RASAL2: variants seen among roughly 807,000 people sequenced by gnomAD.
The protein encoded by RASAL2 is RAS protein activator like 2.
Under a neutral mutation model 128.9 loss-of-function variants are expected in RASAL2, and 58 were observed. That is an observed-to-expected ratio of 0.45 (90% CI 0.36 to 0.56). The LOEUF (loss-of-function observed/expected upper bound fraction) is 0.56. RASAL2 is among the 20% of genes least tolerant of loss of function. RASAL2 has a pLI of 0.00. For synonymous variants in RASAL2, 561 were observed against 580.8 expected (o/e 0.97, Z 0.49); for missense variants, 1,360 against 1,601.6 (o/e 0.85, Z 2.57).
chr1:178,274,051 A>G (rs545723124), intron 1 of RASAL2, among the ~76,000 whole-genome samples: 6 of 152,358 alleles, frequency 3.9e-5, no homozygotes, highest in East Asian at 3.9e-4. Context: ...GAAAAGATGC[A>G]TATGTAGCTC....
chr1:178,195,138 C>A (rs1271211386), intron 1 of RASAL2, among the ~76,000 whole-genome samples: 2 of 152,080 alleles, frequency 1.3e-5, no homozygotes, highest in East Asian at 1.9e-4. Context: ...TAAAGTGGGG[C>A]TAAGAGGTAT....
rs751987619 is a variant in RASAL2, at chr1:178,457,745, CATT to C, written c.2457_2459del (p.Leu821del). ...ACAGACAGCTACTTCAGAGGGAAAA[CATT>C]ATTGCTGGTTCAGCAAGCCTCCTCT... On this transcript the variant is annotated inframe_deletion, in exon 14 of 18. Transcript: ENST00000367649. 14 of 1,614,040 alleles carry C rather than the reference CATT, an allele frequency of 8.7e-6. No homozygotes were observed. The South Asian group carries it at 1.3e-4, about 15-fold the overall frequency.
chr1:178,257,906 G>A (rs1214313564), intron 1 of RASAL2, among the ~76,000 whole-genome samples: 2 of 148,618 alleles, frequency 1.3e-5, no homozygotes, highest in South Asian at 2.1e-4. Flanking sequence ...GATTGGCAAA[G>A]TATTTCTAGA....
rs11800707 is a variant in RASAL2, at chr1:178,171,763, T to G, written c.202+77069T>G. Among the ~76,000 whole-genome samples, 846 of 151,982 alleles carry G rather than the reference T, an allele frequency of 5.6e-3. 10 individuals are homozygous for G. The highest frequency in any genetic ancestry group is 0.019 in the African/African-American group (792 of 41,506). ...GTTAGGAGTAGTAACCTTCCCAAAT[T>G]TTCATTGCTTTCTGTTTGGCAGTCT... On this transcript the variant is annotated intron_variant, in intron 1 of 17. Coordinates refer to ENST00000367649, the MANE Select transcript of RASAL2 (RefSeq NM_170692.4).
intron 3 of RASAL2, among the ~76,000 whole-genome samples, chr1:178,379,551 C>A (rs747779302): frequency 6.6e-6 from 1 of 152,110 alleles, no homozygotes; most frequent in African/African-American, 2.4e-5. Flanking sequence ...AGCACACTTG[C>A]GTTAATATTT....
intron 1 of RASAL2, among the ~76,000 whole-genome samples, chr1:178,162,317 ATATAT>A (rs1278157575): frequency 8.0e-6 from 1 of 125,668 alleles, no homozygotes; most frequent in African/African-American, 3.1e-5. Flanking sequence ...ATAATGTATT[ATATAT>A]TATATTTATA....
At chr1:178,218,487 G>C (rs192089427) in intron 1 of RASAL2, among the ~76,000 whole-genome samples, 1 of 152,282 alleles carries the variant, frequency 6.6e-6, no homozygotes, top group East Asian at 1.9e-4. Flanking sequence ...AGGAGTTCAA[G>C]ACCAGCCTGG....
At chr1:178,276,740 A>G (rs73035215) in intron 1 of RASAL2, among the ~76,000 whole-genome samples, 4,268 of 152,172 alleles carry the variant, frequency 0.028, 78 homozygotes, top group East Asian at 0.085. Context: ...TATTTCTTCT[A>G]TTATATCAGA....
At chr1:178,190,473 G>T (rs374722902) in intron 1 of RASAL2, among the ~76,000 whole-genome samples, 1 of 152,054 alleles carries the variant, frequency 6.6e-6, no homozygotes, top group Non-Finnish European at 1.5e-5. Flanking sequence ...TTTTTGTTTT[G>T]TAATTCCTAT....
chr1:178,329,480 G>C (rs145706060), intron 3 of RASAL2, among the ~76,000 whole-genome samples: 1 of 152,202 alleles, frequency 6.6e-6, no homozygotes, highest in African/African-American at 2.4e-5. Context: ...CATCCACAAT[G>C]GGAGAGACCC....
intron 2 of RASAL2, among the ~76,000 whole-genome samples, chr1:178,293,171 T>C (rs1365137199): frequency 6.6e-6 from 1 of 152,174 alleles, no homozygotes; most frequent in Non-Finnish European, 1.5e-5. Context: ...TTCTTTCCTC[T>C]TTCTCCCCCG....
intron 1 of RASAL2, among the ~76,000 whole-genome samples, chr1:178,161,428 C>G (rs1015352879): frequency 2.0e-5 from 3 of 152,266 alleles, no homozygotes; most frequent in African/African-American, 7.2e-5. Flanking sequence ...CAAGATTCAT[C>G]CATATTATAG....
At chr1:178,457,309 G>A (rs1677843044) in intron 13 of RASAL2, among the ~76,000 whole-genome samples, 1 of 152,214 alleles carries the variant, frequency 6.6e-6, no homozygotes, top group Non-Finnish European at 1.5e-5. Context: ...GGCAAGACTT[G>A]TGCCTTTTGC....
At chr1:178,234,539 A>T (rs570641596) in intron 1 of RASAL2, among the ~76,000 whole-genome samples, 4 of 152,194 alleles carry the variant, frequency 2.6e-5, no homozygotes, top group Admixed American at 1.3e-4. Flanking sequence ...AAATTATTTC[A>T]TATTGATTAT....
intron 1 of RASAL2, among the ~76,000 whole-genome samples, chr1:178,135,904 G>C (rs1660307526): frequency 6.6e-6 from 1 of 152,078 alleles, no homozygotes; most frequent in Non-Finnish European, 1.5e-5. Flanking sequence ...GAACAGTATG[G>C]GGAAACTGCC....
At chr1:178,302,607 C>T (rs1667815100) in intron 3 of RASAL2, among the ~76,000 whole-genome samples, 1 of 152,150 alleles carries the variant, frequency 6.6e-6, no homozygotes, top group Admixed American at 6.5e-5. Context: ...AAATTTCTGT[C>T]CCCATCCTTA....
chr1:178,416,971 T>A (rs61138017), intron 4 of RASAL2, among the ~76,000 whole-genome samples: 10,219 of 147,056 alleles, frequency 0.069, 668 homozygotes, highest in African/African-American at 0.18. Context: ...GGATTTTTTT[T>A]CTTTTAGGGT....
rs539211601 is a variant in RASAL2 at position 178,435,436 on chromosome 1, C to T, written c.675-3986C>T. On this transcript the variant is annotated intron_variant, in intron 5 of 17. Coordinates refer to ENST00000367649, the MANE Select transcript of RASAL2 (RefSeq NM_170692.4). ...ATGTGAATGTTGGCTCCCCATCTCCCAGCCCTTCACTTTTATCTTTTAAGA... is the reference window on the plus strand; with the variant it reads ...ATGTGAATGTTGGCTCCCCATCTCCTAGCCCTTCACTTTTATCTTTTAAGA... 3.9e-4 allele frequency among the ~76,000 whole-genome samples: 59 copies of T among 152,182 alleles called. No individual in the cohort carries two copies. The South Asian group carries it at 0.012, about 31-fold the overall frequency.
chr1:178,385,117 T>C (rs1672487961), intron 3 of RASAL2, among the ~76,000 whole-genome samples: 2 of 152,346 alleles, frequency 1.3e-5, no homozygotes, highest in Admixed American at 1.3e-4. Flanking sequence ...CATAATAACA[T>C]TCCAGATTTA....
Sources: gnomAD v4.1 joint callset for allele counts (sites outside exome capture counted in the v4.1 genomes callset) on GRCh38, gnomAD v4.1.1 for gene constraint, MANE v1.5 for transcripts, NCBI Gene and HGNC (gene_info 2026-07-23, HGNC 2026-07-21) for gene names.